KCNQ3: variants seen among roughly 807,000 people sequenced by gnomAD.
The protein encoded by KCNQ3 is potassium voltage-gated channel subfamily Q member 3.
KCNQ3 carries 30 observed loss-of-function variants against 92.5 expected under a neutral mutation model. The ratio of observed to expected loss-of-function variants is 0.32; its 90% confidence interval spans 0.24 to 0.44. KCNQ3 has a LOEUF of 0.44. Ranked by LOEUF, KCNQ3 falls within the 20% of genes least tolerant of loss-of-function variation. KCNQ3 has a pLI of 1.00. For missense variants in KCNQ3, 913 were observed against 1,140.3 expected (o/e 0.80, Z 2.87); for synonymous variants, 450 against 468.8 (o/e 0.96, Z 0.52).
At chr8:132,346,448 T>G (rs1398448841) in intron 1 of KCNQ3, among the ~76,000 whole-genome samples, 2 of 152,152 alleles carry the variant, frequency 1.3e-5, no homozygotes, top group African/African-American at 4.8e-5. Context: ...TCGGGATGAC[T>G]CAGCAGTCCT....
At chr8:132,411,195 TG>T (rs1293838066) in intron 1 of KCNQ3, among the ~76,000 whole-genome samples, 6 of 152,080 alleles carry the variant, frequency 3.9e-5, no homozygotes, top group African/African-American at 1.4e-4. Context: ...TAAGAGAAAT[TG>T]TTTGGCACCT....
intron 1 of KCNQ3, among the ~76,000 whole-genome samples, chr8:132,374,811 T>C (rs1400800380): frequency 6.6e-6 from 1 of 152,010 alleles, no homozygotes; most frequent in East Asian, 1.9e-4. Context: ...GTTTGCTGAG[T>C]ATGATGGCCT....
At chr8:132,162,875 G>C (rs1346154867) in intron 9 of KCNQ3, among the ~76,000 whole-genome samples, 1 of 152,162 alleles carries the variant, frequency 6.6e-6, no homozygotes, top group African/African-American at 2.4e-5. Context: ...TAGTGTCCAG[G>C]AGATTGATTG....
At chr8:132,160,796 AG>A (rs1416944514) in intron 9 of KCNQ3, among the ~76,000 whole-genome samples, 2 of 151,988 alleles carry the variant, frequency 1.3e-5, no homozygotes, top group Admixed American at 6.5e-5. Context: ...CTTCCTTCTC[AG>A]GCTTTCTGAT....
At chr8:132,197,611 C>A (rs1315142448) in intron 1 of KCNQ3, among the ~76,000 whole-genome samples, 3 of 152,104 alleles carry the variant, frequency 2.0e-5, no homozygotes, top group Non-Finnish European at 1.5e-5. Context: ...CAGATGTTTT[C>A]TCTTTCTTCT....
chr8:132,455,926 T>C (rs1404062153), intron 1 of KCNQ3, among the ~76,000 whole-genome samples: 2 of 152,034 alleles, frequency 1.3e-5, no homozygotes, highest in African/African-American at 4.8e-5. Context: ...TTTGTATTTT[T>C]AGTAGAGACG....
intron 1 of KCNQ3, among the ~76,000 whole-genome samples, chr8:132,330,578 T>C (rs1272369853): frequency 6.6e-6 from 1 of 152,136 alleles, no homozygotes; most frequent in Non-Finnish European, 1.5e-5. Flanking sequence ...AAGTGGGAGA[T>C]GGACATGTCA....
intron 1 of KCNQ3, among the ~76,000 whole-genome samples, chr8:132,401,061 T>G (rs1389984209): frequency 1.3e-5 from 2 of 152,182 alleles, no homozygotes; most frequent in African/African-American, 4.8e-5. Context: ...AGGTCCAGGC[T>G]AGGGTGAAAT....
At chr8:132,285,172 G>C (rs1364043311) in intron 1 of KCNQ3, among the ~76,000 whole-genome samples, 1 of 152,162 alleles carries the variant, frequency 6.6e-6, no homozygotes, top group Non-Finnish European at 1.5e-5. Flanking sequence ...AATGGGTCGG[G>C]GCTGAACAAA....
intron 1 of KCNQ3, among the ~76,000 whole-genome samples, chr8:132,295,872 G>A (rs945272377): frequency 3.3e-5 from 5 of 152,014 alleles, no homozygotes; most frequent in African/African-American, 4.8e-5. Context: ...AACATGCATC[G>A]GGGCCTGTTG....
chr8:132,262,660 T>C (rs1815827281), intron 1 of KCNQ3, among the ~76,000 whole-genome samples: 1 of 150,148 alleles, frequency 6.7e-6, no homozygotes. Context: ...TACCATGATA[T>C]ACTCTTGAGG....
chr8:132,197,839 T>G (rs891997931), intron 1 of KCNQ3, among the ~76,000 whole-genome samples: 13 of 152,206 alleles, frequency 8.5e-5, no homozygotes, highest in Admixed American at 2.0e-4. Flanking sequence ...GATGTGAGGT[T>G]TCACTTTAAG....
chr8:132,121,066 T>C lies in KCNQ3; in HGVS notation c.*8196A>G, dbSNP rs1310366700. 6.6e-6 allele frequency: 1 copy of C among 152,186 alleles called. No individual in the cohort carries two copies. Among genetic ancestry groups the C allele is most frequent in the Non-Finnish European group, 1.5e-5 (1 of 68,042 alleles). 9.4% of individuals were successfully genotyped at this position (152,186 alleles called of 1,614,324 possible). A position where few individuals can be genotyped will look rare whatever the true frequency, so the allele number is the denominator to read the frequency against. ...TATAAAGAGCACTAAAGGCCACTTG[T>C]GGAATAGTTGTGTTCCCCTGTAAGC... On this transcript the variant is annotated 3_prime_UTR_variant, in exon 15 of 15. Coordinates refer to ENST00000388996, the MANE Select transcript of KCNQ3 (RefSeq NM_004519.4).
intron 1 of KCNQ3, among the ~76,000 whole-genome samples, chr8:132,264,655 G>C (rs16904640): frequency 0.03 from 4,605 of 152,298 alleles, 270 homozygotes; most frequent in African/African-American, 0.1. Context: ...AGGTCTGGGC[G>C]AAGAGCATTT....
intron 1 of KCNQ3, among the ~76,000 whole-genome samples, chr8:132,355,890 G>A (rs1819006600): frequency 6.6e-6 from 1 of 152,222 alleles, no homozygotes; most frequent in Admixed American, 6.5e-5. Context: ...AAACTCCAAA[G>A]ATTGCATGGA....
chr8:132,205,969 T>C (rs1200669730), intron 1 of KCNQ3, among the ~76,000 whole-genome samples: 2 of 152,110 alleles, frequency 1.3e-5, no homozygotes, highest in African/African-American at 4.8e-5. Context: ...GACTTTGGTA[T>C]GTGAAGGTGG....
intron 1 of KCNQ3, among the ~76,000 whole-genome samples, chr8:132,443,332 C>T (rs1248642047): frequency 6.6e-6 from 1 of 151,796 alleles, no homozygotes; most frequent in Non-Finnish European, 1.5e-5. Context: ...AAAGGCACCA[C>T]CAAACCAGGT....
intron 1 of KCNQ3, among the ~76,000 whole-genome samples, chr8:132,397,459 A>G (rs951594991): frequency 2.0e-5 from 3 of 152,332 alleles, no homozygotes; most frequent in Non-Finnish European, 4.4e-5. Flanking sequence ...TGAGGGAATC[A>G]GAATAAGACT....
At chr8:132,239,619 G>A (rs545271422) in intron 1 of KCNQ3, among the ~76,000 whole-genome samples, 1 of 152,308 alleles carries the variant, frequency 6.6e-6, no homozygotes, top group African/African-American at 2.4e-5. Context: ...CCAATGCTAT[G>A]TGTAACCCTT....
Sources: gnomAD v4.1 joint callset for allele counts (sites outside exome capture counted in the v4.1 genomes callset) on GRCh38, gnomAD v4.1.1 for gene constraint, MANE v1.5 for transcripts, NCBI Gene and HGNC (gene_info 2026-07-23, HGNC 2026-07-21) for gene names.